BLTP2: variants seen among roughly 807,000 people sequenced by gnomAD.
BLTP2 encodes the protein U937-associated antigen.
chr17:28,643,315 C>T, the BLTP2 span: 22 of 1,613,854 alleles, frequency 1.4e-5, no homozygotes, highest in Non-Finnish European at 1.9e-5. Context: ...ATAGTGTCTG[C>T]CCAGAAGAGA....
the BLTP2 span, among the ~76,000 whole-genome samples, chr17:28,632,674 T>C: frequency 1.3e-5 from 2 of 152,180 alleles, no homozygotes; most frequent in African/African-American, 4.8e-5. Context: ...CTTTTTGATC[T>C]TCGACTTTCA....
chr17:28,616,793 TACC>T, the BLTP2 span: 1 of 1,613,440 alleles, frequency 6.2e-7, no homozygotes. This position sits in a 1 kb window ranked among gnomAD's most constrained non-coding sequence, Gnocchi z 4.8. Flanking sequence ...TAAGCTCAGA[TACC>T]ATCATCAGTT....
the BLTP2 span, chr17:28,631,586 T>A: frequency 6.2e-7 from 1 of 1,614,154 alleles, no homozygotes; most frequent in Non-Finnish European, 8.5e-7. Context: ...TTCTCTTCAG[T>A]GGGTGAGGCC....
chr17:28,644,907 C>T, the BLTP2 span: 1 of 1,261,012 alleles, frequency 7.9e-7, no homozygotes, highest in Non-Finnish European at 1.1e-6. Flanking sequence ...AGGCGCGCGC[C>T]CCCTCCTCAG....
chr17:28,639,472 A>C, the BLTP2 span: 10 of 1,612,044 alleles, frequency 6.2e-6, no homozygotes, highest in Middle Eastern at 1.7e-4. Context: ...TGAAATAAGA[A>C]GACCAGAACT....
At chr17:28,615,664 C>G in the BLTP2 span, 1 of 1,613,828 alleles carries the variant, frequency 6.2e-7, no homozygotes, top group Non-Finnish European at 8.5e-7. Context: ...GGCGGGATAC[C>G]TGGGCAACCA....
chr17:28,623,709 G>T, the BLTP2 span: 1 of 1,473,654 alleles, frequency 6.8e-7, no homozygotes, highest in Non-Finnish European at 9.5e-7. Flanking sequence ...CCATTAGAAA[G>T]TCTACGGAAA....
the BLTP2 span, among the ~76,000 whole-genome samples, chr17:28,636,250 G>T: frequency 1.3e-5 from 2 of 152,210 alleles, no homozygotes; most frequent in African/African-American, 4.8e-5. Context: ...GTTTCCAAAG[G>T]ACGGTGAAGT....
At chr17:28,638,764 C>A in the BLTP2 span, 6 of 645,820 alleles carry the variant, frequency 9.3e-6, no homozygotes, top group Non-Finnish European at 1.7e-5. Context: ...ATTCTTAGGA[C>A]GAGACACACC....
At chr17:28,616,826 G>A in the BLTP2 span, 1 of 1,606,470 alleles carries the variant, frequency 6.2e-7, no homozygotes, top group Non-Finnish European at 8.5e-7. This position sits in a 1 kb window ranked among gnomAD's most constrained non-coding sequence, Gnocchi z 4.8. Context: ...CTAATATCGT[G>A]TAACACACAG....
chr17:28,624,568 G>A, the BLTP2 span, among the ~76,000 whole-genome samples: 1 of 151,974 alleles, frequency 6.6e-6, no homozygotes, highest in African/African-American at 2.4e-5. Context: ...GCAAAACAAG[G>A]GTTATTTCAC....
At chr17:28,623,922 T>C in the BLTP2 span, 37 of 1,614,090 alleles carry the variant, frequency 2.3e-5, no homozygotes, top group African/African-American at 4.8e-4. Context: ...CTTTGGCAGC[T>C]GACACAATGA....
At chr17:28,625,334 C>CAAAAAAAAAA in the BLTP2 span, among the ~76,000 whole-genome samples, 4 of 29,054 alleles carry the variant, frequency 1.4e-4, no homozygotes, top group African/African-American at 2.4e-4. Flanking sequence ...GACTCCGTCT[C>CAAAAAAAAAA]AAAAAAAAAA....
the BLTP2 span, chr17:28,637,080 A>G: frequency 1.2e-6 from 2 of 1,614,158 alleles, no homozygotes; most frequent in East Asian, 2.2e-5. Context: ...GACTGATTTC[A>G]CCAGCGCTAA....
At chr17:28,623,975 G>C in the BLTP2 span, 7 of 1,612,460 alleles carry the variant, frequency 4.3e-6, no homozygotes, top group Non-Finnish European at 5.9e-6. Context: ...ATCTATGCCA[G>C]AGATAGAAGC....
the BLTP2 span, chr17:28,640,083 ACTTTT>A: frequency 1.3e-6 from 2 of 1,588,996 alleles, no homozygotes; most frequent in Non-Finnish European, 1.7e-6. Flanking sequence ...TACTTCTTTT[ACTTTT>A]ATTTTTTAAA....
the BLTP2 span, chr17:28,637,742 G>C: frequency 2.4e-6 from 3 of 1,251,874 alleles, no homozygotes; most frequent in Non-Finnish European, 3.4e-6. Flanking sequence ...CACCATCTCA[G>C]CTCACTGCAA....
chr17:28,634,694 T>G, the BLTP2 span: 1 of 1,614,152 alleles, frequency 6.2e-7, no homozygotes, highest in Non-Finnish European at 8.5e-7. Flanking sequence ...AAGCTCCAAG[T>G]AAGCAGTGCC....
the BLTP2 span, chr17:28,643,112 A>G: frequency 6.2e-7 from 1 of 1,610,172 alleles, no homozygotes; most frequent in Non-Finnish European, 8.5e-7. Context: ...CCATAACTCC[A>G]AAGCCAACCA....
Sources: allele counts gnomAD v4.1 joint callset (sites outside exome capture counted in the v4.1 genomes callset), GRCh38; gene constraint gnomAD v4.1.1; non-coding constraint Gnocchi (gnomAD v3.1); transcripts MANE v1.5; gene names NCBI Gene and HGNC (gene_info 2026-07-23, HGNC 2026-07-21).